SEMA6D: variants seen among roughly 807,000 people sequenced by gnomAD.
SEMA6D encodes semaphorin-6D.
SEMA6D carries 35 observed loss-of-function variants against 106.6 expected under a neutral mutation model. The observed-to-expected ratio is 0.33, with a 90% CI of 0.25 to 0.44. The LOEUF is 0.44. Among genes scored for constraint, SEMA6D ranks in the 20% least tolerant of loss-of-function variants. The pLI, the probability that SEMA6D is intolerant of heterozygous loss-of-function variation, is 1.00. For synonymous variants in SEMA6D, 499 were observed against 487.7 expected, an observed-to-expected ratio of 1.02 and a Z score of -0.31; for missense variants, 1,185 against 1,345.9, an observed-to-expected ratio of 0.88 and a Z score of 1.87.
chr15:47,391,482 A>G (rs112968267), intron 1 of SEMA6D, among the ~76,000 whole-genome samples: 298 of 152,270 alleles, frequency 2.0e-3, no homozygotes, highest in African/African-American at 6.8e-3. Flanking sequence ...GACAATGTCA[A>G]GCAGACTGAG....
intron 4 of SEMA6D, among the ~76,000 whole-genome samples, chr15:47,613,223 A>G (rs902580136): frequency 1.3e-5 from 2 of 152,172 alleles, no homozygotes; most frequent in African/African-American, 4.8e-5. Flanking sequence ...ACTCTATCCT[A>G]CACCTTCAAT....
chr15:47,666,896 G>A (rs894111267), intron 4 of SEMA6D, among the ~76,000 whole-genome samples: 1 of 152,180 alleles, frequency 6.6e-6, no homozygotes, highest in Non-Finnish European at 1.5e-5. Flanking sequence ...CATGTAGGAT[G>A]TCCAACTACC....
chr15:47,189,383 C>T (rs994949332), intron 1 of SEMA6D, among the ~76,000 whole-genome samples: 3 of 152,176 alleles, frequency 2.0e-5, no homozygotes, highest in African/African-American at 7.2e-5. Context: ...GGTTGTTTCT[C>T]TTTGTACTTG....
intron 1 of SEMA6D, among the ~76,000 whole-genome samples, chr15:47,389,473 T>G (rs571753309): frequency 6.6e-6 from 1 of 152,026 alleles, no homozygotes; most frequent in Non-Finnish European, 1.5e-5. Flanking sequence ...ACTTATTCCA[T>G]TTCTAGGAAT....
chr15:47,761,109 A>T, intron 4 of SEMA6D, 49 bp from the exon 5 acceptor site: 1 of 1,611,894 alleles, frequency 6.2e-7, no homozygotes, highest in Non-Finnish European at 8.5e-7. Context: ...CTGCCTCCCC[A>T]AAAATGTTCG....
chr15:47,453,524 A>G (rs937097287), intron 2 of SEMA6D, among the ~76,000 whole-genome samples: 4 of 152,006 alleles, frequency 2.6e-5, no homozygotes, highest in Non-Finnish European at 5.9e-5. Context: ...CATCCCACTG[A>G]GAAGAAAGAG....
chr15:47,320,856 C>A (rs2036896813), intron 1 of SEMA6D, among the ~76,000 whole-genome samples: 1 of 152,090 alleles, frequency 6.6e-6, no homozygotes, highest in Non-Finnish European at 1.5e-5. Context: ...AGCCCGCCCC[C>A]CACCTTAGAT....
At chr15:47,216,180 CATAAAATT>C (rs1272838874) in intron 1 of SEMA6D, among the ~76,000 whole-genome samples, 1 of 151,988 alleles carries the variant, frequency 6.6e-6, no homozygotes, top group Non-Finnish European at 1.5e-5. Context: ...GTTAAATCTG[CATAAAATT>C]ATAAAAACAT....
At chr15:47,345,570 G>A (rs558957441) in intron 1 of SEMA6D, among the ~76,000 whole-genome samples, 2 of 152,112 alleles carry the variant, frequency 1.3e-5, no homozygotes, top group South Asian at 4.1e-4. Context: ...TTGGATCAGA[G>A]ACCTAAATAT....
chr15:47,455,502 G>A (rs547883902), intron 2 of SEMA6D, among the ~76,000 whole-genome samples: 1 of 151,926 alleles, frequency 6.6e-6, no homozygotes, highest in Non-Finnish European at 1.5e-5. Flanking sequence ...AAGTGGGACC[G>A]CTGCCTTCCA....
chr15:47,457,515 C>T (rs1287365874), intron 2 of SEMA6D, among the ~76,000 whole-genome samples: 2 of 151,732 alleles, frequency 1.3e-5, no homozygotes, highest in Non-Finnish European at 2.9e-5. Context: ...ATTAAAAAGA[C>T]CTAGTTCAAA....
At chr15:47,600,456 C>T (rs1236913283) in intron 3 of SEMA6D, among the ~76,000 whole-genome samples, 1 of 152,114 alleles carries the variant, frequency 6.6e-6, no homozygotes, top group Non-Finnish European at 1.5e-5. Flanking sequence ...TCAGCCCAAA[C>T]AAATGTTTCT....
intron 4 of SEMA6D, among the ~76,000 whole-genome samples, chr15:47,683,115 A>T (rs929285373): frequency 3.3e-5 from 5 of 152,158 alleles, no homozygotes; most frequent in Non-Finnish European, 7.3e-5. Flanking sequence ...TACATAGATA[A>T]ATTGCATAAT....
chr15:47,718,188 G>A lies in SEMA6D; in HGVS notation c.-55+496G>A, dbSNP rs2079202779. On this transcript the variant is annotated intron_variant, in intron 1 of 18. Transcript: ENST00000536845. The stretch of plus-strand genomic sequence containing the variant: ...CCAGGAGCCAGCCGGGGAGAGCTGA[G>A]CCAAGGCCGAAGGAGCCGCCTGCGG... 2.0e-5 allele frequency among the ~76,000 whole-genome samples: 3 copies of A among 152,338 alleles called. No homozygotes were observed. In the South Asian group the frequency reaches 6.2e-4, roughly 32 times the overall value.
chr15:47,393,699 G>A (rs192277358), intron 1 of SEMA6D, among the ~76,000 whole-genome samples: 9 of 151,308 alleles, frequency 5.9e-5, no homozygotes, highest in East Asian at 1.9e-4. Context: ...GAAACCCAGC[G>A]TGAAATTTAA....
intron 1 of SEMA6D, among the ~76,000 whole-genome samples, chr15:47,225,011 C>T (rs2031534755): frequency 6.6e-6 from 1 of 151,808 alleles, no homozygotes; most frequent in Non-Finnish European, 1.5e-5. Flanking sequence ...CCTGTTGCAC[C>T]CTGGAGAGCC....
rs549162753 is a variant in SEMA6D, at chr15:47,658,714, A to G, written c.-55+57818A>G. Among the ~76,000 whole-genome samples the G allele has an allele frequency of 4.6e-5, 7 of 152,290 alleles. 1 individual carries two copies. In the South Asian group the frequency reaches 1.4e-3, roughly 32 times the overall value. On this transcript the variant is annotated intron_variant, in intron 4 of 19. Transcript: ENST00000558014. ...ATAGCAATTGTTCATCACATTAGTT[A>G]GTCACAATAATCCACATTAAGAGTA...
upstream of SEMA6D, among the ~76,000 whole-genome samples, chr15:47,714,663 C>T (rs1344027681): frequency 1.3e-5 from 2 of 152,212 alleles, no homozygotes; most frequent in African/African-American, 4.8e-5. Context: ...CTGGTGAAAA[C>T]ACTCAATTAT....
At chr15:47,658,668 G>C (rs2077853722) in intron 4 of SEMA6D, among the ~76,000 whole-genome samples, 1 of 152,078 alleles carries the variant, frequency 6.6e-6, no homozygotes, top group South Asian at 2.1e-4. Flanking sequence ...TCATTTTCTA[G>C]TGTCTGTTAT....
Sources: allele counts gnomAD v4.1 joint callset (sites outside exome capture counted in the v4.1 genomes callset), GRCh38; gene constraint gnomAD v4.1.1; transcripts MANE v1.5; gene names NCBI Gene and HGNC (gene_info 2026-07-23, HGNC 2026-07-21).